PHYH: variants seen among roughly 807,000 people sequenced by gnomAD.
PHYH encodes phytanoyl-CoA 2-hydroxylase, also known as phytanoyl-CoA dioxygenase, peroxisomal.
A neutral mutation model predicts 38.5 loss-of-function variants in PHYH; 32 were observed. That is an observed-to-expected ratio of 0.83 (90% confidence interval 0.63 to 1.12). PHYH has a LOEUF of 1.12. PHYH is among the 50% of genes most tolerant of loss of function. PHYH has a pLI of 0.00. For synonymous variants in PHYH, 166 were observed against 157.9 expected (o/e 1.05, Z -0.38); for missense variants, 426 against 434.8 (o/e 0.98, Z 0.18).
intron 3 of PHYH, chr10:13,295,282 T>A: frequency 1.9e-6 from 1 of 537,734 alleles, no homozygotes; most frequent in Non-Finnish European, 3.3e-6. Flanking sequence ...TAAGCTATGA[T>A]CGCACCACTG....
chr10:13,296,687 C>T (rs1343187825), intron 2 of PHYH, among the ~76,000 whole-genome samples: 1 of 151,834 alleles, frequency 6.6e-6, no homozygotes, highest in Admixed American at 6.6e-5. Flanking sequence ...GGATGGCGGG[C>T]ACAGTGGCTC....
At chr10:13,281,533 G>A (rs907999896) in intron 7 of PHYH, among the ~76,000 whole-genome samples, 6 of 151,900 alleles carry the variant, frequency 3.9e-5, no homozygotes, top group African/African-American at 1.5e-4. Context: ...TATTTCAGTG[G>A]CAATAGATTA....
In PHYH at chr10:13,299,967, C is replaced by T. The variant is rs970229634; in HGVS notation, c.75+1G>A. ...CGAGCCCCGCGCAGCCCAAAGGATA[C>T]GACAGCCCCGGCCGAGGGGCGGCCG... is the stretch of plus-strand genomic sequence containing the variant. On this transcript the variant is annotated splice_donor_variant, in intron 1 of 8. Coordinates refer to ENST00000263038, the MANE Select transcript of PHYH (RefSeq NM_006214.4). LOFTEE classifies it high-confidence loss of function. 2.6e-6 allele frequency: 4 copies of T among 1,529,760 alleles called. No homozygotes were observed. The highest frequency in any genetic ancestry group is 2.0e-5 in the Admixed American group (1 of 50,564). The allele number at this position is 1,529,760 out of a possible 1,614,324, so 94.8% of individuals were successfully genotyped here. A position where few individuals can be genotyped will look rare whatever the true frequency, so the allele number is the denominator to read the frequency against.
intron 8 of PHYH, among the ~76,000 whole-genome samples, chr10:13,280,630 A>G (rs1344087379): frequency 6.6e-6 from 1 of 152,154 alleles, no homozygotes; most frequent in East Asian, 1.9e-4. Flanking sequence ...TACAGGCATG[A>G]GCCACCATGC....
intron 1 of PHYH, among the ~76,000 whole-genome samples, chr10:13,298,700 C>A (rs1832642962): frequency 7.4e-6 from 1 of 135,878 alleles, no homozygotes; most frequent in Non-Finnish European, 1.6e-5. Flanking sequence ...GACTCCATCT[C>A]AGAAAAAAAA....
intron 3 of PHYH, chr10:13,294,888 C>G (rs1347856240): frequency 4.7e-6 from 2 of 429,256 alleles, no homozygotes; most frequent in African/African-American, 2.0e-5. Flanking sequence ...ACCATGTGCC[C>G]AGCTCTCTTC....
intron 2 of PHYH, among the ~76,000 whole-genome samples, chr10:13,296,683 C>T (rs954920064): frequency 2.0e-5 from 3 of 151,656 alleles, no homozygotes; most frequent in Middle Eastern, 3.2e-3. Flanking sequence ...GTATGGATGG[C>T]GGGCACAGTG....
At chr10:13,289,406 A>G (rs918243854) in intron 5 of PHYH, among the ~76,000 whole-genome samples, 1 of 151,902 alleles carries the variant, frequency 6.6e-6, no homozygotes, top group East Asian at 2.0e-4. Flanking sequence ...TGTGTTAGCC[A>G]GGATGGTCTT....
At position 13,294,363 on chromosome 10, in the gene PHYH, C is replaced by T. The variant is rs990389699; in HGVS notation, c.414+65G>A. On this transcript the variant is annotated intron_variant, in intron 4 of 8. Coordinates refer to ENST00000263038, the MANE Select transcript of PHYH (RefSeq NM_006214.4). ...GAGCCACTGCGCCCGGCCAAATCAGCGGGTTTTACAGGCAGACATACACAC... is the reference window on the plus strand; with the variant it reads ...GAGCCACTGCGCCCGGCCAAATCAGTGGGTTTTACAGGCAGACATACACAC... The T allele has an allele frequency of 3.1e-5, 47 of 1,499,644 alleles. 1 individual carries two copies. Among genetic ancestry groups the T allele is most frequent in the African/African-American group, 2.5e-4 (18 of 72,768 alleles). 92.9% of individuals were successfully genotyped at this position (1,499,644 alleles called of 1,614,324 possible).
rs1835473877 is a variant in PHYH, at chr10:13,283,728, G to T, written c.790C>A (p.His264Asn). The change falls in exon 7 of 9, where the codon CAC becomes AAC. Residue 264 changes from histidine to asparagine, a missense_variant. Coordinates refer to ENST00000263038, the MANE Select transcript of PHYH (RefSeq NM_006214.4). ...TGGGTTTTATTCTGACCAGATCCGT[G>T]GATGAGCAAAGGATGGAAGAAAACA... is the stretch of plus-strand genomic sequence containing the variant. Reference protein sequence around the residue: ...DTVFFHPLLIHGSGQNKTQGF... With the variant: ...DTVFFHPLLINGSGQNKTQGF... 1 of 1,613,952 alleles carries T rather than the reference G, an allele frequency of 6.2e-7. No homozygotes were observed. The highest frequency in any genetic ancestry group is 1.3e-5 in the African/African-American group (1 of 74,894).
In PHYH at chr10:13,293,628, G is replaced by T. The variant is rs535259338; in HGVS notation, c.414+800C>A. 2.0e-5 allele frequency among the ~76,000 whole-genome samples: 3 copies of T among 151,786 alleles called. No individual in the cohort carries two copies. In the East Asian group the frequency reaches 5.8e-4, roughly 30 times the overall value. On this transcript the variant is annotated intron_variant, in intron 4 of 8. Transcript: ENST00000263038. ...AGCTCACTTCTCTTATTCAATCTTT[G>T]TTTTTTTCTTTTTTTCCAATATAGA...
At chr10:13,291,198 G>A (rs945614665) in intron 5 of PHYH, among the ~76,000 whole-genome samples, 1 of 151,074 alleles carries the variant, frequency 6.6e-6, no homozygotes, top group South Asian at 2.1e-4. Context: ...TTCCTATCAG[G>A]AATGCAAGAA....
chr10:13,281,015 T>G lies in PHYH; in HGVS notation c.924A>C (p.Ala308=), dbSNP rs1835397062. The part of the protein sequence containing the change: ...ENIEKEVVGI[A]HKFFGAENSV... ...TATTTTCAGCTCCAAAGAATTTATG[T>G]GCTATTCCTACAACTTCCTTCTCGA... Residue 308 remains alanine (A), a synonymous_variant, in exon 8 of 9, where the codon GCA becomes GCC. Coordinates refer to ENST00000263038, the MANE Select transcript of PHYH (RefSeq NM_006214.4). The G allele has an allele frequency of 1.2e-6, 2 of 1,614,066 alleles. No homozygotes were observed. Among genetic ancestry groups the G allele is most frequent in the Non-Finnish European group, 1.7e-6 (2 of 1,179,884 alleles).
At chr10:13,294,347 C>T (rs577080103) in intron 4 of PHYH, 81 bp downstream of exon 4, 37 of 1,349,338 alleles carry the variant, frequency 2.7e-5, no homozygotes, top group South Asian at 1.4e-4. Context: ...TGAGCCACTG[C>T]GCCCGGCCAA....
intron 4 of PHYH, among the ~76,000 whole-genome samples, chr10:13,292,928 T>C (rs1413358076): frequency 5.1e-5 from 2 of 39,450 alleles, no homozygotes; most frequent in Admixed American, 3.0e-4. Flanking sequence ...AGTGAGACTC[T>C]GTCTCAAAAA....
At chr10:13,289,116 G>A (rs995235538) in intron 5 of PHYH, among the ~76,000 whole-genome samples, 2 of 152,008 alleles carry the variant, frequency 1.3e-5, no homozygotes, top group Non-Finnish European at 2.9e-5. Context: ...CCTTCTTCCG[G>A]GTTGCTGGTA....
intron 6 of PHYH, among the ~76,000 whole-genome samples, chr10:13,285,141 G>T (rs1835515605): frequency 6.6e-6 from 1 of 152,094 alleles, no homozygotes. Context: ...ATTTTCATTT[G>T]ACACTAATTA....
intron 8 of PHYH, among the ~76,000 whole-genome samples, chr10:13,279,775 A>G (rs1214824886): frequency 6.6e-6 from 1 of 152,244 alleles, no homozygotes; most frequent in Non-Finnish European, 1.5e-5. Context: ...AACCTCAAAC[A>G]TAATGTACAT....
At position 13,299,987 on chromosome 10, in the gene PHYH, C is replaced by A; in HGVS notation, c.56G>T (p.Arg19Leu). Residue 19 changes from arginine (R) to leucine (L), a missense_variant, in exon 1 of 9, where the codon CGC (arginine) becomes CTC (leucine). Arg to Leu is a moderately radical substitution (Grantham distance 102). Transcript: ENST00000263038. The part of the protein sequence containing the change: ...RLQIVLGHLG[R>L]PSAGAVVAHP... ...GGATACGACAGCCCCGGCCGAGGGG[C>A]GGCCGAGGTGGCCCAGAACAATCTG... is the stretch of plus-strand genomic sequence containing the variant. The A allele has an allele frequency of 1.3e-6, 2 of 1,531,462 alleles. No individual in the cohort carries two copies. Among genetic ancestry groups the A allele is most frequent in the South Asian group, 1.2e-5 (1 of 83,118 alleles). 94.9% of individuals were successfully genotyped at this position (1,531,462 alleles called of 1,614,324 possible).
Sources: allele counts gnomAD v4.1 joint callset (sites outside exome capture counted in the v4.1 genomes callset), GRCh38; gene constraint gnomAD v4.1.1; transcripts MANE v1.5; gene names NCBI Gene and HGNC (gene_info 2026-07-23, HGNC 2026-07-21).